SKA2: variants seen among roughly 807,000 people sequenced by gnomAD.
The protein encoded by SKA2 is spindle and kinetochore associated complex subunit 2.
In SKA2, 13 loss-of-function variants were observed where a neutral mutation model predicts 16.9. The ratio of observed to expected loss-of-function variants is 0.77; its 90% CI spans 0.50 to 1.22. The LOEUF (loss-of-function observed/expected upper bound fraction) is 1.22, where lower values mean the gene tolerates loss of function less well. SKA2 is among the 50% of genes most tolerant of loss of function. SKA2 has a pLI of 0.00. For synonymous variants in SKA2, 47 were observed against 48.5 expected, an observed-to-expected ratio of 0.97 and a Z score of 0.13; for missense variants, 107 against 139.7, an observed-to-expected ratio of 0.77 and a Z score of 1.18.
At position 59,153,982 on chromosome 17, in the gene SKA2, G is replaced by A. The variant is rs539602567; in HGVS notation, c.33+1149C>T. The stretch of plus-strand genomic sequence containing the variant: ...AGACGGAGTTTCACCATGTTGGCCA[G>A]GGTAGTCTCAATGTCTTGACCTCTT... On this transcript the variant is annotated intron_variant, in intron 1 of 3. Coordinates refer to ENST00000330137, the MANE Select transcript of SKA2 (RefSeq NM_182620.4). Among the ~76,000 whole-genome samples, 5 of 151,770 alleles carry A rather than the reference G, an allele frequency of 3.3e-5. No homozygotes were observed. The South Asian group carries it at 1.0e-3, about 32-fold the overall frequency.
At chr17:59,146,129 T>G (rs911776251) in intron 1 of SKA2, among the ~76,000 whole-genome samples, 1 of 152,184 alleles carries the variant, frequency 6.6e-6, no homozygotes, top group African/African-American at 2.4e-5. Context: ...CTTAAAAAGT[T>G]ATATTTATTT....
intron 3 of SKA2, among the ~76,000 whole-genome samples, chr17:59,118,919 C>T (rs1348183028): frequency 6.6e-6 from 1 of 152,002 alleles, no homozygotes; most frequent in Non-Finnish European, 1.5e-5. Context: ...ATATGCAGCC[C>T]TTCCTCCTTC....
chr17:59,142,850 CT>C, intron 1 of SKA2, among the ~76,000 whole-genome samples: 1 of 149,486 alleles, frequency 6.7e-6, no homozygotes, highest in East Asian at 2.0e-4. Flanking sequence ...TTGCTTGAAC[CT>C]GGAAGGCAGA....
chr17:59,117,575 C>T (rs1006273569), intron 3 of SKA2, among the ~76,000 whole-genome samples: 1 of 151,308 alleles, frequency 6.6e-6, no homozygotes, highest in African/African-American at 2.4e-5. Flanking sequence ...TTTTTTTCTT[C>T]TTCTTTTTCT....
At chr17:59,135,421 A>G (rs946120490) in intron 1 of SKA2, among the ~76,000 whole-genome samples, 3 of 150,332 alleles carry the variant, frequency 2.0e-5, no homozygotes, top group East Asian at 2.0e-4. Flanking sequence ...GGTTCAGGCA[A>G]TTCTCCTGCC....
intron 3 of SKA2, among the ~76,000 whole-genome samples, chr17:59,116,387 C>A (rs530423537): frequency 1.1e-3 from 171 of 151,934 alleles, no homozygotes; most frequent in Non-Finnish European, 2.0e-3. Flanking sequence ...AACAAACAAA[C>A]AAAAAAATTA....
chr17:59,127,966 C>T (rs1296266078), intron 2 of SKA2, among the ~76,000 whole-genome samples: 1 of 152,110 alleles, frequency 6.6e-6, no homozygotes, highest in African/African-American at 2.4e-5. Flanking sequence ...ACCTGTAATC[C>T]CAGCACTTTG....
intron 1 of SKA2, among the ~76,000 whole-genome samples, chr17:59,142,417 A>G (rs1599676053): frequency 6.6e-6 from 1 of 151,352 alleles, no homozygotes; most frequent in East Asian, 2.0e-4. Flanking sequence ...CAGCCTCCCA[A>G]GTAGCTGGGA....
chr17:59,116,695 G>A (rs992270306), intron 3 of SKA2, among the ~76,000 whole-genome samples: 3 of 151,132 alleles, frequency 2.0e-5, no homozygotes, highest in African/African-American at 7.3e-5. Flanking sequence ...TGGTTCCAAT[G>A]AGACTTTATC....
At chr17:59,143,924 G>A (rs1278047782) in intron 1 of SKA2, among the ~76,000 whole-genome samples, 3 of 152,106 alleles carry the variant, frequency 2.0e-5, no homozygotes, top group East Asian at 1.9e-4. Flanking sequence ...TTGGGAGGCC[G>A]AAGCGGGCGG....
At position 59,116,810 on chromosome 17, in the gene SKA2, C is replaced by CTTTTTTTTTTTTTTTTTT. The variant is rs909458290; in HGVS notation, c.297+2491_297+2508dup. 6.6e-5 allele frequency among the ~76,000 whole-genome samples: 5 copies of CTTTTTTTTTTTTTTTTTT among 75,300 alleles called. 1 individual carries two copies. The East Asian group carries it at 1.5e-3, about 22-fold the overall frequency. 49.4% of individuals were successfully genotyped at this position (75,300 alleles called of 152,430 possible). On this transcript the variant is annotated intron_variant, in intron 3 of 3. Coordinates refer to ENST00000330137, the MANE Select transcript of SKA2 (RefSeq NM_182620.4). ...AGGCCTTAGCTCTATCTGCCTTTGG[C>CTTTTTTTTTTTTTTTTTT]TTTTTTTTTTTTTTTTTTTTTTTTT...
chr17:59,137,746 T>G, intron 1 of SKA2: 1 of 524,166 alleles, frequency 1.9e-6, no homozygotes, highest in South Asian at 1.5e-5. Context: ...TTCTGCTACA[T>G]ACTTTCTGCA....
intron 2 of SKA2, among the ~76,000 whole-genome samples, chr17:59,122,253 C>T (rs1008462911): frequency 6.6e-6 from 1 of 152,054 alleles, no homozygotes; most frequent in African/African-American, 2.4e-5. Context: ...GCGGGAGGAT[C>T]GCTTGAGGTC....
At chr17:59,126,192 A>G (rs894156262) in intron 2 of SKA2, among the ~76,000 whole-genome samples, 1 of 151,608 alleles carries the variant, frequency 6.6e-6, no homozygotes, top group African/African-American at 2.4e-5. Context: ...ATGAATAAAT[A>G]AATAAATAAA....
At chr17:59,113,775 AAGAT>A (rs1445387916) in intron 3 of SKA2, among the ~76,000 whole-genome samples, 2 of 151,818 alleles carry the variant, frequency 1.3e-5, no homozygotes, top group African/African-American at 4.8e-5. Flanking sequence ...ACAGTGAGCC[AAGAT>A]TACGCCATTG....
At chr17:59,137,488 T>C (rs868759215) in intron 1 of SKA2, among the ~76,000 whole-genome samples, 15 of 152,320 alleles carry the variant, frequency 9.8e-5, no homozygotes, top group Middle Eastern at 3.4e-3. Flanking sequence ...CTAGTATCAC[T>C]AACCAGCTAT....
intron 1 of SKA2, among the ~76,000 whole-genome samples, chr17:59,135,829 TA>T (rs1189035806): frequency 2.7e-5 from 4 of 148,320 alleles, no homozygotes; most frequent in Middle Eastern, 3.6e-3. Context: ...TTTTATATTT[TA>T]AAAAATATAT....
chr17:59,113,692 G>C (rs1231336169), intron 3 of SKA2, among the ~76,000 whole-genome samples: 3 of 152,052 alleles, frequency 2.0e-5, no homozygotes, highest in African/African-American at 7.2e-5. Flanking sequence ...TGGGCATGGT[G>C]GCAGGCACCT....
At chr17:59,117,594 T>G (rs1157433050) in intron 3 of SKA2, among the ~76,000 whole-genome samples, 1 of 141,130 alleles carries the variant, frequency 7.1e-6, no homozygotes, top group Admixed American at 7.0e-5. Context: ...CTTTTTTTTC[T>G]TTTTTTTTTT....
Sources: gnomAD v4.1 joint callset for allele counts (sites outside exome capture counted in the v4.1 genomes callset) on GRCh38, gnomAD v4.1.1 for gene constraint, MANE v1.5 for transcripts, NCBI Gene and HGNC (gene_info 2026-07-23, HGNC 2026-07-21) for gene names.